Variants in PTCHD1 observed in about 807,000 individuals in gnomAD.
PTCHD1 encodes the protein patched domain-containing protein 1.
Under a neutral mutation model 34.6 loss-of-function variants are expected in PTCHD1, and 3 were observed. The ratio of observed to expected loss-of-function variants is 0.09; its 90% confidence interval spans 0.04 to 0.22. The LOEUF is 0.22. PTCHD1 is among the 10% of genes least tolerant of loss of function. The pLI is 1.00. For missense variants in PTCHD1, 504 were observed against 685.5 expected (o/e 0.74, Z 2.96); for synonymous variants, 305 against 283.1 (o/e 1.08, Z -0.77).
chrX:23,342,310 A>ATATATATTT (rs1921357058), intron 1 of PTCHD1, among the ~76,000 whole-genome samples: 2 of 12,945 alleles, frequency 1.5e-4, no homozygotes, highest in Non-Finnish European at 2.2e-4. Flanking sequence ...ATATATATAT[A>ATATATATTT]TTTTTTTTTT....
rs186141384 is a variant in PTCHD1 at position 23,366,207 on chromosome X, T to C, written c.352-13384T>C. Reference sequence around the variant, plus strand: ...TTTCGTCAGTGAACTAGTTGTTACATTGGTGTCTTATTTTGTCTCCCTGGT... The same window carrying C: ...TTTCGTCAGTGAACTAGTTGTTACACTGGTGTCTTATTTTGTCTCCCTGGT... On this transcript the variant is annotated intron_variant, in intron 1 of 2. Transcript: ENST00000379361. Among the ~76,000 whole-genome samples, 670 of 112,270 alleles carry C rather than the reference T, an allele frequency of 6.0e-3. 9 individuals carry two copies. Among genetic ancestry groups the C allele is most frequent in the African/African-American group, 0.021 (645 of 30,871 alleles).
intron 1 of PTCHD1, among the ~76,000 whole-genome samples, chrX:23,338,092 C>G (rs1367224608): frequency 8.9e-6 from 1 of 111,886 alleles, no homozygotes; most frequent in Non-Finnish European, 1.9e-5. Context: ...TTACCATACT[C>G]TGACCACTGT....
At position 23,404,297 on chromosome X, in the gene PTCHD1, T is replaced by G. The variant is rs1419689999; in HGVS notation, c.*10112T>G. ...TTATTTTTAATTGACATAAAAATTG[T>G]ATATATTTATGGGATACAATGTGAT... On this transcript the variant is annotated 3_prime_UTR_variant, in exon 3 of 3. Coordinates refer to ENST00000379361, the MANE Select transcript of PTCHD1 (RefSeq NM_173495.3). 1 of 112,323 alleles carries G rather than the reference T, an allele frequency of 8.9e-6. No individual in the cohort carries two copies. The highest frequency in any genetic ancestry group is 9.4e-5 in the Admixed American group (1 of 10,594). 9.3% of individuals were successfully genotyped at this position (112,323 alleles called of 1,213,427 possible).
chrX:23,358,510 T>A (rs1341532232), intron 1 of PTCHD1, among the ~76,000 whole-genome samples: 1 of 112,292 alleles, frequency 8.9e-6, no homozygotes, highest in African/African-American at 3.2e-5. Context: ...TTTTTTCTTG[T>A]AAATTTGTTT....
At chrX:23,371,481 CAT>C (rs1015373617) in intron 1 of PTCHD1, among the ~76,000 whole-genome samples, 4 of 111,908 alleles carry the variant, frequency 3.6e-5, no homozygotes, top group African/African-American at 1.3e-4. Context: ...TTTAGGAGGA[CAT>C]GTGAGCTGGG....
At chrX:23,354,430 CAGAG>C (rs3032246) in intron 1 of PTCHD1, among the ~76,000 whole-genome samples, 12,043 of 98,661 alleles carry the variant, frequency 0.12, 724 homozygotes, top group East Asian at 0.39. Context: ...TTATTTTACA[CAGAG>C]AGAGAGAGAG....
chrX:23,386,442 T>C (rs1368369304), intron 2 of PTCHD1, among the ~76,000 whole-genome samples: 1 of 112,122 alleles, frequency 8.9e-6, no homozygotes, highest in Non-Finnish European at 1.9e-5. Context: ...CCTTTATTCT[T>C]ACTCTTAACT....
At position 23,348,324 on chromosome X, in the gene PTCHD1, A is replaced by G. The variant is rs1921533108; in HGVS notation, c.351+13098A>G. On this transcript the variant is annotated intron_variant, in intron 1 of 2. Coordinates refer to ENST00000379361, the MANE Select transcript of PTCHD1 (RefSeq NM_173495.3). ...AAAAATTGTGAGACAGGGTTATCAA[A>G]ATATATGACATACACATAATTGGAA... Among the ~76,000 whole-genome samples the G allele has an allele frequency of 2.7e-5, 3 of 111,020 alleles. No individual in the cohort carries two copies. The Admixed American group carries it at 2.9e-4, about 11-fold the overall frequency.
rs371374468 is a variant in PTCHD1 at position 23,344,338 on chromosome X, A to C, written c.351+9112A>C. Reference sequence around the variant, plus strand: ...TTAAGGTAAAGATAGAATGAGATAAAGTATGTGAAGGCACTGTGTAACCAT... The same window carrying C: ...TTAAGGTAAAGATAGAATGAGATAACGTATGTGAAGGCACTGTGTAACCAT... On this transcript the variant is annotated intron_variant, in intron 1 of 2. Transcript: ENST00000379361. 2.7e-5 allele frequency among the ~76,000 whole-genome samples: 3 copies of C among 112,223 alleles called. No homozygotes were observed. The East Asian group carries it at 8.4e-4, about 31-fold the overall frequency.
In PTCHD1 at chrX:23,402,399, A is replaced by G. The variant is rs1923146579; in HGVS notation, c.*8214A>G. On this transcript the variant is annotated 3_prime_UTR_variant, in exon 3 of 3. Transcript: ENST00000379361. Reference sequence around the variant, plus strand: ...TGCAGTTCCCCCAAAAAACCTTGGCATAGAGTATAACAGGGAAAAAGTAAT... The same window carrying G: ...TGCAGTTCCCCCAAAAAACCTTGGCGTAGAGTATAACAGGGAAAAAGTAAT... 1 of 111,849 alleles carries G rather than the reference A, an allele frequency of 8.9e-6. No homozygotes were observed. The highest frequency in any genetic ancestry group is 3.8e-4 in the South Asian group (1 of 2,649). The allele number at this position is 111,849 out of a possible 1,213,427, so 9.2% of individuals were successfully genotyped here.
chrX:23,363,400 G>A (rs748826838), intron 1 of PTCHD1, among the ~76,000 whole-genome samples: 6 of 112,857 alleles, frequency 5.3e-5, no homozygotes, highest in East Asian at 2.8e-4. Flanking sequence ...CTCGCAGGTC[G>A]ATCTCAGACT....
intron 1 of PTCHD1, among the ~76,000 whole-genome samples, chrX:23,356,643 C>G (rs1282298021): frequency 8.9e-6 from 1 of 111,915 alleles, no homozygotes; most frequent in Non-Finnish European, 1.9e-5. Flanking sequence ...TCCAGTAAAC[C>G]TTGCCATTGT....
At chrX:23,389,576 G>C (rs1286279152) in intron 2 of PTCHD1, among the ~76,000 whole-genome samples, 2 of 111,950 alleles carry the variant, frequency 1.8e-5, no homozygotes, top group Non-Finnish European at 3.8e-5. Flanking sequence ...AAAGGAATCT[G>C]ACCTATCAGG....
At chrX:23,387,400 T>C (rs977411704) in intron 2 of PTCHD1, among the ~76,000 whole-genome samples, 1 of 111,418 alleles carries the variant, frequency 9.0e-6, no homozygotes, top group East Asian at 2.8e-4. Context: ...AATTTTTTTT[T>C]CCGCCATTAG....
At chrX:23,351,258 C>T in intron 1 of PTCHD1, 1 of 785,184 alleles carries the variant, frequency 1.3e-6, no homozygotes. Flanking sequence ...CTGCTCTATC[C>T]TCAGTTGACT....
chrX:23,358,405 AC>A (rs1192199507), intron 1 of PTCHD1, among the ~76,000 whole-genome samples: 1 of 112,235 alleles, frequency 8.9e-6, no homozygotes, highest in Non-Finnish European at 1.9e-5. Flanking sequence ...TTGTCTGATG[AC>A]CAGTGATGAT....
Position 23,393,189 on chromosome X carries a change from G to A in PTCHD1, c.1671G>A (p.Gly557=), listed in dbSNP as rs1482538532. The A allele has an allele frequency of 8.3e-7, 1 of 1,210,579 alleles. No homozygotes were observed. The highest frequency in any genetic ancestry group is 1.1e-6 in the Non-Finnish European group (1 of 894,474). The change falls in exon 3 of 3, where the codon GGG becomes GGA. Residue 557 remains glycine (G), a synonymous_variant. Transcript: ENST00000379361. ...KYFSNYSPVI[G]FYIYESIEYW... is the part of the protein sequence containing the mutation. ...TCAGCAACTACAGTCCTGTGATTGG[G>A]TTTTACATATATGAGTCTATAGAAT... is the stretch of plus-strand genomic sequence containing the variant.
At chrX:23,386,133 C>T (rs902841740) in intron 2 of PTCHD1, among the ~76,000 whole-genome samples, 1 of 110,786 alleles carries the variant, frequency 9.0e-6, no homozygotes, top group African/African-American at 3.3e-5. Context: ...GTATTCTATA[C>T]GAAAAGAAAT....
intron 1 of PTCHD1, among the ~76,000 whole-genome samples, chrX:23,350,451 T>G (rs1921600518): frequency 9.0e-6 from 1 of 111,621 alleles, no homozygotes; most frequent in Non-Finnish European, 1.9e-5. Context: ...AGAAAGAGGA[T>G]GATGCTGTGT....
Sources: gnomAD v4.1 joint callset for allele counts (sites outside exome capture counted in the v4.1 genomes callset) on GRCh38, gnomAD v4.1.1 for gene constraint, MANE v1.5 for transcripts, NCBI Gene and HGNC (gene_info 2026-07-23, HGNC 2026-07-21) for gene names.